Variants in RYR3 observed in about 807,000 individuals in gnomAD.
The protein encoded by RYR3 is brain ryanodine receptor-calcium release channel.
In RYR3, 207 loss-of-function variants were observed where a neutral mutation model predicts 584.3. The observed-to-expected ratio is 0.35, with a 90% CI of 0.32 to 0.40. RYR3 has a LOEUF of 0.40. Ranked by LOEUF, RYR3 falls within the 10% of genes least tolerant of loss-of-function variation. The probability of loss-of-function intolerance (pLI) is 1.00; values close to 1 mark genes in which losing one functional copy is unlikely to be tolerated. For missense variants in RYR3, 5,616 were observed against 6,089.2 expected, an observed-to-expected ratio of 0.92 and a Z score of 2.59; for synonymous variants, 2,416 against 2,248.5, an observed-to-expected ratio of 1.07 and a Z score of -2.11.
At chr15:33,501,377 A>C (rs534493555) in intron 2 of RYR3, among the ~76,000 whole-genome samples, 1 of 152,224 alleles carries the variant, frequency 6.6e-6, no homozygotes, top group Non-Finnish European at 1.5e-5. Context: ...TAAGGGCAGA[A>C]TCTTTAGCAT....
At chr15:33,611,681 C>T (rs1299719028) in intron 18 of RYR3, among the ~76,000 whole-genome samples, 1 of 152,014 alleles carries the variant, frequency 6.6e-6, no homozygotes, top group Non-Finnish European at 1.5e-5. Context: ...TTATTTGAGA[C>T]AGGGTCTCAT....
chr15:33,729,113 C>A, intron 47 of RYR3, 87 bp downstream of exon 47: 1 of 1,105,732 alleles, frequency 9.0e-7, no homozygotes. Context: ...TTTCTCTTTA[C>A]TCACCAATTA....
intron 76 of RYR3, 110 bp downstream of exon 76, chr15:33,818,794 G>A (rs1320670336): frequency 1.3e-6 from 1 of 754,060 alleles, no homozygotes; most frequent in Non-Finnish European, 2.2e-6. Context: ...CTAGATTTGA[G>A]CAGCCCTCCT....
chr15:33,483,548 T>C (rs1347846274), intron 2 of RYR3, among the ~76,000 whole-genome samples: 1 of 152,230 alleles, frequency 6.6e-6, no homozygotes, highest in African/African-American at 2.4e-5. Flanking sequence ...GTGCTGTTCC[T>C]GGTCTCCAGA....
intron 47 of RYR3, among the ~76,000 whole-genome samples, chr15:33,730,538 G>A (rs949874393): frequency 6.6e-5 from 10 of 152,144 alleles, no homozygotes; most frequent in African/African-American, 2.2e-4. Flanking sequence ...ATAATTTATA[G>A]GAACAATGAG....
chr15:33,459,590 G>A (rs1277367239), intron 1 of RYR3, among the ~76,000 whole-genome samples: 2 of 152,104 alleles, frequency 1.3e-5, no homozygotes, highest in African/African-American at 4.8e-5. Flanking sequence ...GGGTCTATGA[G>A]GGCCAAGATG....
Position 33,662,890 on chromosome 15 carries a change from A to G in RYR3, c.5360A>G (p.Lys1787Arg), listed in dbSNP as rs752833191. 6.2e-7 allele frequency: 1 copy of G among 1,613,580 alleles called. No homozygotes were observed. Among genetic ancestry groups the G allele is most frequent in the South Asian group, 1.1e-5 (1 of 91,070 alleles). Residue 1787 changes from lysine (K) to arginine (R), a missense_variant, in exon 35 of 104, where the codon AAG becomes AGG. Around this residue, in one of 9 missense-constraint regions of RYR3, gnomAD observed 753 missense variants for 741.0 expected, o/e 1.02. Transcript: ENST00000634891. The stretch of plus-strand genomic sequence containing the variant: ...GTGGAGGCTGGGGAGAAGGCCGGCA[A>G]GGAGGCTCCTGTCAAAGGCTTGTTG... The part of the protein sequence containing the change: ...KAVEAGEKAG[K>R]EAPVKGLLQT...
chr15:33,612,792 C>G (rs2060261671), intron 18 of RYR3, among the ~76,000 whole-genome samples: 1 of 152,206 alleles, frequency 6.6e-6, no homozygotes. Flanking sequence ...TACAACTAAA[C>G]AGACACACAC....
chr15:33,852,879 T>G (rs779760815), intron 94 of RYR3, 166 bp from the exon 95 acceptor site: 114 of 629,226 alleles, frequency 1.8e-4, no homozygotes, highest in Non-Finnish European at 3.1e-4. Flanking sequence ...CATGACTCAG[T>G]AGAGCCTGTG....
In RYR3 at chr15:33,514,961, G is replaced by A. The variant is rs763738188; in HGVS notation, c.279+11223G>A. 4.6e-5 allele frequency among the ~76,000 whole-genome samples: 7 copies of A among 151,910 alleles called. No homozygotes were observed. The South Asian group carries it at 1.2e-3, about 27-fold the overall frequency. ...GGAGCTTGCAGTGAGCCGAGATCGC[G>A]CCACTGCACTCCAGCCTGGGGGACA... is the stretch of plus-strand genomic sequence containing the variant. On this transcript the variant is annotated intron_variant, in intron 3 of 103. Transcript: ENST00000634891.
chr15:33,370,819 A>C (rs1372011467), intron 1 of RYR3, among the ~76,000 whole-genome samples: 1 of 152,128 alleles, frequency 6.6e-6, no homozygotes, highest in African/African-American at 2.4e-5. Flanking sequence ...AGACATAAGG[A>C]ACTGGAAATA....
At chr15:33,536,989 C>T (rs1473100664) in intron 5 of RYR3, among the ~76,000 whole-genome samples, 1 of 152,118 alleles carries the variant, frequency 6.6e-6, no homozygotes, top group Non-Finnish European at 1.5e-5. Context: ...CCACTCTTCC[C>T]ATCCTTCCAA....
chr15:33,691,450 G>A (rs1342053359), intron 38 of RYR3, among the ~76,000 whole-genome samples: 1 of 152,176 alleles, frequency 6.6e-6, no homozygotes. Context: ...ATTTTCACTT[G>A]AAAGGTCAAA....
intron 1 of RYR3, among the ~76,000 whole-genome samples, chr15:33,389,566 A>G (rs572091804): frequency 2.8e-4 from 42 of 152,358 alleles, no homozygotes; most frequent in African/African-American, 8.9e-4. Context: ...CACAGATTAA[A>G]AGTAAAACTG....
chr15:33,744,977 G>A (rs1272307117), intron 52 of RYR3, among the ~76,000 whole-genome samples: 7 of 152,180 alleles, frequency 4.6e-5, no homozygotes, highest in Non-Finnish European at 1.0e-4. Context: ...AATCCATGGA[G>A]AGGCAGCAAG....
intron 43 of RYR3, among the ~76,000 whole-genome samples, chr15:33,714,660 C>T (rs1448159310): frequency 1.3e-5 from 2 of 152,180 alleles, no homozygotes; most frequent in Non-Finnish European, 2.9e-5. Context: ...AGAGTTATAG[C>T]GATATCTTCC....
chr15:33,778,033 G>A (rs984470823), intron 64 of RYR3, among the ~76,000 whole-genome samples: 1 of 152,082 alleles, frequency 6.6e-6, no homozygotes, highest in African/African-American at 2.4e-5. Context: ...AGTCGGGTGT[G>A]GTGGTGCGTG....
chr15:33,863,372 C>G (rs1257554483), intron 102 of RYR3, among the ~76,000 whole-genome samples: 1 of 152,192 alleles, frequency 6.6e-6, no homozygotes, highest in Non-Finnish European at 1.5e-5. Flanking sequence ...ACCTGACGCT[C>G]TATACACTAT....
chr15:33,396,754 G>A (rs2042324069), intron 1 of RYR3, among the ~76,000 whole-genome samples: 1 of 152,184 alleles, frequency 6.6e-6, no homozygotes, highest in Admixed American at 6.5e-5. Context: ...CAGCCAGTTG[G>A]TGGTTACCGT....
Sources: gnomAD v4.1 joint callset for allele counts (sites outside exome capture counted in the v4.1 genomes callset) on GRCh38, gnomAD v4.1.1 for gene constraint, gnomAD v4.1.1 regional missense constraint, MANE v1.5 for transcripts, NCBI Gene and HGNC (gene_info 2026-07-23, HGNC 2026-07-21) for gene names.